ZDHHC14: variants seen among roughly 807,000 people sequenced by gnomAD.
ZDHHC14 encodes the protein zDHHC palmitoyltransferase 14.
Under a neutral mutation model 47.7 loss-of-function variants are expected in ZDHHC14, and 16 were observed. The observed-to-expected ratio is 0.34, with a 90% CI of 0.23 to 0.51. The LOEUF (loss-of-function observed/expected upper bound fraction) is 0.51. ZDHHC14 is among the 20% of genes least tolerant of loss of function. ZDHHC14 has a pLI of 0.97. For missense variants in ZDHHC14, 515 were observed against 662.5 expected, an observed-to-expected ratio of 0.78 and a Z score of 2.44; for synonymous variants, 293 against 278.9, an observed-to-expected ratio of 1.05 and a Z score of -0.50.
intron 1 of ZDHHC14, among the ~76,000 whole-genome samples, chr6:157,388,971 T>C (rs1777370070): frequency 6.6e-6 from 1 of 152,174 alleles, no homozygotes; most frequent in Non-Finnish European, 1.5e-5. Context: ...ATTTTGAGTG[T>C]GTGTATTCCC....
At chr6:157,617,179 T>A (rs575065430) in intron 3 of ZDHHC14, among the ~76,000 whole-genome samples, 111 of 152,296 alleles carry the variant, frequency 7.3e-4, no homozygotes, top group Non-Finnish European at 1.4e-3. Flanking sequence ...ATCTTTTTAT[T>A]ACCAGATGAG....
intron 1 of ZDHHC14, among the ~76,000 whole-genome samples, chr6:157,541,101 C>A (rs1352753208): frequency 6.6e-6 from 1 of 151,908 alleles, no homozygotes; most frequent in African/African-American, 2.4e-5. Flanking sequence ...ATACTTGATC[C>A]CATTTGCTCT....
At chr6:157,457,886 T>G (rs1196395764) in intron 1 of ZDHHC14, among the ~76,000 whole-genome samples, 2 of 152,168 alleles carry the variant, frequency 1.3e-5, no homozygotes, top group African/African-American at 4.8e-5. Flanking sequence ...GTTTTACAGC[T>G]GGGGGGCTGG....
chr6:157,652,644 T>C (rs551555960), intron 7 of ZDHHC14, among the ~76,000 whole-genome samples: 9 of 152,360 alleles, frequency 5.9e-5, no homozygotes, highest in African/African-American at 2.2e-4. Flanking sequence ...AACTTGTCTG[T>C]GGGACAAGGG....
intron 3 of ZDHHC14, among the ~76,000 whole-genome samples, chr6:157,619,883 ATC>A (rs1433364460): frequency 6.6e-6 from 1 of 152,234 alleles, no homozygotes; most frequent in Non-Finnish European, 1.5e-5. Context: ...TGAACATTTT[ATC>A]TGTGAAGAAA....
chr6:157,483,788 A>G (rs547739654), intron 1 of ZDHHC14, among the ~76,000 whole-genome samples: 1 of 152,250 alleles, frequency 6.6e-6, no homozygotes, highest in South Asian at 2.1e-4. Context: ...AGGAAGCCAG[A>G]CTTCTCTGTT....
rs566903127 is a variant in ZDHHC14, at chr6:157,582,919, T to C, written c.407-10069T>C. On this transcript the variant is annotated intron_variant, in intron 2 of 8. Transcript: ENST00000359775. The surrounding 1 kb of genome is among the most constrained non-coding windows in gnomAD (Gnocchi z 4.3). ...AAGCCCATATTTCTCAGAGGTTTTA[T>C]TCATTCTTTTTACTTTATTTTCGTC... Among the ~76,000 whole-genome samples, 1 of 152,202 alleles carries C rather than the reference T, an allele frequency of 6.6e-6. No homozygotes were observed. Among genetic ancestry groups the C allele is most frequent in the East Asian group, 1.9e-4 (1 of 5,166 alleles).
At position 157,463,391 on chromosome 6, in the gene ZDHHC14, CTAT is replaced by C. The variant is rs780839602; in HGVS notation, c.246-79183_246-79181del. On this transcript the variant is annotated intron_variant, in intron 1 of 8. Coordinates refer to ENST00000359775, the MANE Select transcript of ZDHHC14 (RefSeq NM_024630.3). The surrounding 1 kb of genome is among the most constrained non-coding windows in gnomAD (Gnocchi z 4.4). ...CTCTTTTCCTGCCTATTCTAATGAG[CTAT>C]TATTATTATTTTAAGACCTCCAGAG... is the stretch of plus-strand genomic sequence containing the variant. Among the ~76,000 whole-genome samples the C allele has an allele frequency of 2.6e-5, 4 of 152,134 alleles. No individual in the cohort carries two copies. Among genetic ancestry groups the C allele is most frequent in the Admixed American group, 1.3e-4 (2 of 15,276 alleles).
intron 3 of ZDHHC14, among the ~76,000 whole-genome samples, chr6:157,594,990 C>T (rs1466651268): frequency 2.0e-5 from 3 of 152,050 alleles, no homozygotes; most frequent in Non-Finnish European, 4.4e-5. Context: ...TTCTGCATGC[C>T]TTCTCCTGGA....
intron 7 of ZDHHC14, 68 bp downstream of exon 7, chr6:157,647,436 A>G (rs2114983502): frequency 5.5e-6 from 7 of 1,277,440 alleles, no homozygotes; most frequent in Non-Finnish European, 7.7e-6. Context: ...CCGTTAGCAC[A>G]GGCCGCCCGC....
intron 3 of ZDHHC14, among the ~76,000 whole-genome samples, chr6:157,600,523 A>G (rs1016172512): frequency 5.9e-5 from 9 of 152,194 alleles, no homozygotes; most frequent in African/African-American, 2.2e-4. Flanking sequence ...CTCCTGCCTC[A>G]GCCTCCCGAG....
At chr6:157,601,487 C>G (rs1166465012) in intron 3 of ZDHHC14, among the ~76,000 whole-genome samples, 2 of 152,028 alleles carry the variant, frequency 1.3e-5, no homozygotes, top group Non-Finnish European at 2.9e-5. Context: ...GTAGGTTTAT[C>G]AGTTACCTAA....
At chr6:157,444,952 G>A (rs892995568) in intron 1 of ZDHHC14, among the ~76,000 whole-genome samples, 1 of 152,124 alleles carries the variant, frequency 6.6e-6, no homozygotes, top group Non-Finnish European at 1.5e-5. Context: ...CATGTGGCCA[G>A]AAGCTGGGCT....
intron 1 of ZDHHC14, among the ~76,000 whole-genome samples, chr6:157,519,176 G>A (rs1249162591): frequency 6.6e-6 from 1 of 152,242 alleles, no homozygotes; most frequent in Non-Finnish European, 1.5e-5. Context: ...CAAAGCAGCA[G>A]CTAAATTTAA....
intron 1 of ZDHHC14, among the ~76,000 whole-genome samples, chr6:157,441,094 T>C (rs1778552510): frequency 6.6e-6 from 1 of 152,228 alleles, no homozygotes; most frequent in Non-Finnish European, 1.5e-5. Context: ...TTTTTGTGGC[T>C]GTGATAGTTT....
At chr6:157,404,598 G>A (rs1183626430) in intron 1 of ZDHHC14, among the ~76,000 whole-genome samples, 1 of 152,176 alleles carries the variant, frequency 6.6e-6, no homozygotes, top group Admixed American at 6.5e-5. Flanking sequence ...TCTCTCTAAA[G>A]TGCCCATTTG....
chr6:157,673,024 C>T lies in ZDHHC14; in HGVS notation c.1369C>T (p.Leu457=), dbSNP rs761792918. Residue 457 remains leucine (L), a synonymous_variant, in exon 9 of 9, where the codon CTG becomes TTG. Transcript: ENST00000359775. The surrounding 1 kb of genome is among the most constrained non-coding windows in gnomAD (Gnocchi z 5.4). ...PPRLLAAGSP[L]AHSRTMHVLG... ...CAGGCTACTGGCGGCGGGCAGCCCC[C>T]TGGCGCACAGCCGCACCATGCACGT... The T allele has an allele frequency of 1.9e-6, 3 of 1,567,126 alleles. No homozygotes were observed. The highest frequency in any genetic ancestry group is 2.6e-6 in the Non-Finnish European group (3 of 1,162,604).
chr6:157,403,073 T>G (rs1447367286), intron 1 of ZDHHC14, among the ~76,000 whole-genome samples: 1 of 100,544 alleles, frequency 9.9e-6, no homozygotes, highest in East Asian at 2.6e-4. Context: ...ACTGGACTTG[T>G]TGCATTGTAC....
At chr6:157,573,436 T>A (rs1409486009) in intron 2 of ZDHHC14, among the ~76,000 whole-genome samples, 1 of 152,056 alleles carries the variant, frequency 6.6e-6, no homozygotes, top group Non-Finnish European at 1.5e-5. Flanking sequence ...TAGAAAAAAA[T>A]TTGCCCAGCC....
Sources: gnomAD v4.1 joint callset for allele counts (sites outside exome capture counted in the v4.1 genomes callset) on GRCh38, gnomAD v4.1.1 for gene constraint, Gnocchi (gnomAD v3.1) non-coding constraint, MANE v1.5 for transcripts, NCBI Gene and HGNC (gene_info 2026-07-23, HGNC 2026-07-21) for gene names.